The following RIMKLB variants were observed in gnomAD, a reference collection of about 807,000 sequenced individuals.
RIMKLB encodes beta-citrylglutamate synthase B.
Under a neutral mutation model 32.0 loss-of-function variants are expected in RIMKLB, and 7 were observed. The observed-to-expected ratio is 0.22, with a 90% CI of 0.12 to 0.41. RIMKLB has a LOEUF of 0.41. Ranked by LOEUF, RIMKLB falls within the 10% of genes least tolerant of loss-of-function variation. The probability of loss-of-function intolerance (pLI) is 1.00; values close to 1 mark genes in which losing one functional copy is unlikely to be tolerated. For synonymous variants in RIMKLB, 172 were observed against 185.1 expected (o/e 0.93, Z 0.57); for missense variants, 289 against 498.7 (o/e 0.58, Z 4.00).
chr12:8,697,501 T>C (rs926897156), upstream of RIMKLB, among the ~76,000 whole-genome samples: 3 of 151,670 alleles, frequency 2.0e-5, no homozygotes, highest in Admixed American at 2.0e-4. Context: ...CAGGCGCAGA[T>C]TGATGGGGCC....
At chr12:8,777,545 TAAAG>T, downstream of RIMKLB, 2 of 1,239,094 alleles carry the variant, frequency 1.6e-6, no homozygotes, top group Non-Finnish European at 2.1e-6. Flanking sequence ...ACATTGTTTT[TAAAG>T]AAATATTCTA....
chr12:8,736,461 G>A (rs1279350580), intron 2 of RIMKLB, among the ~76,000 whole-genome samples: 1 of 146,046 alleles, frequency 6.8e-6, no homozygotes, highest in African/African-American at 2.5e-5. Flanking sequence ...TAGTTTGTTT[G>A]TTTGTTTTCT....
the RIMKLB span, among the ~76,000 whole-genome samples, chr12:8,669,559 G>GT: frequency 4.6e-5 from 7 of 152,092 alleles, no homozygotes; most frequent in Admixed American, 4.6e-4. Context: ...TTTGTCATGT[G>GT]TTAGGCTATG....
At chr12:8,756,684 C>CTTTTTTTTTT (rs145312687) in intron 5 of RIMKLB, among the ~76,000 whole-genome samples, 7 of 90,966 alleles carry the variant, frequency 7.7e-5, no homozygotes, top group African/African-American at 1.8e-4. Context: ...TTACTTTCTA[C>CTTTTTTTTTT]TTTTTTTTTT....
At chr12:8,729,905 G>A (rs143016602) in intron 2 of RIMKLB, among the ~76,000 whole-genome samples, 437 of 152,228 alleles carry the variant, frequency 2.9e-3, no homozygotes, top group Non-Finnish European at 4.9e-3. Context: ...TCCCATTGTG[G>A]TTTTGATTTG....
chr12:8,734,133 AAAG>A (rs1946796484), intron 2 of RIMKLB, among the ~76,000 whole-genome samples: 1 of 152,218 alleles, frequency 6.6e-6, no homozygotes. Context: ...GTTTCGTGGA[AAAG>A]TTGTATTTTA....
At chr12:8,692,687 G>A (rs1942766072), upstream of RIMKLB, among the ~76,000 whole-genome samples, 1 of 152,186 alleles carries the variant, frequency 6.6e-6, no homozygotes, top group African/African-American at 2.4e-5. Context: ...TCTTAGCATA[G>A]AGAGAAAGCT....
intron 5 of RIMKLB, among the ~76,000 whole-genome samples, chr12:8,765,775 C>A (rs185380193): frequency 6.6e-6 from 1 of 151,906 alleles, no homozygotes; most frequent in East Asian, 1.9e-4. Flanking sequence ...GGGGGGACAC[C>A]GGGATAGGGA....
intron 2 of RIMKLB, among the ~76,000 whole-genome samples, chr12:8,741,357 G>A (rs1267348277): frequency 6.6e-6 from 1 of 150,968 alleles, no homozygotes; most frequent in African/African-American, 2.5e-5. Flanking sequence ...CAGCCTGGGC[G>A]ACAGAGCAAG....
rs922610364 is a variant in RIMKLB, at chr12:8,777,099, T to C, written c.*3315T>C. The C allele has an allele frequency of 1.0e-6, 1 of 985,288 alleles. No homozygotes were observed. The highest frequency in any genetic ancestry group is 1.1e-4 in the East Asian group (1 of 8,864). 61.0% of individuals were successfully genotyped at this position (985,288 alleles called of 1,614,324 possible). ...ACAGGTAACCACTGCTGCTACTGTT[T>C]TTATTTGTTTGTTTGTTCAATTTTA... On this transcript the variant is annotated 3_prime_UTR_variant, in exon 6 of 6. Coordinates refer to ENST00000535829, the MANE Select transcript of RIMKLB (RefSeq NM_001297776.2).
chr12:8,777,212 T>G (rs1470817438), downstream of RIMKLB: 4 of 934,256 alleles, frequency 4.3e-6, no homozygotes, highest in African/African-American at 8.9e-5. Flanking sequence ...GCTTGCTTGC[T>G]TTCTTTTTTT....
Position 8,775,328 on chromosome 12 carries a change from C to T in RIMKLB, c.*1544C>T, listed in dbSNP as rs1002916691. On this transcript the variant is annotated 3_prime_UTR_variant, in exon 6 of 6. Coordinates refer to ENST00000535829, the MANE Select transcript of RIMKLB (RefSeq NM_001297776.2). ...TCCACTCTTTATATTCCTTTACTTG[C>T]AGAATTTATAAAAGCCCCCAAACTG... 30 of 985,158 alleles carry T rather than the reference C, an allele frequency of 3.0e-5. No individual in the cohort carries two copies. In the Admixed American group the frequency reaches 1.0e-3, roughly 34 times the overall value. The allele number at this position is 985,158 out of a possible 1,614,324, so 61.0% of individuals were successfully genotyped here. A position where few individuals can be genotyped will look rare whatever the true frequency, so the allele number is the denominator to read the frequency against.
chr12:8,715,906 CAA>C (rs1463697551), intron 2 of RIMKLB, among the ~76,000 whole-genome samples: 1 of 152,194 alleles, frequency 6.6e-6, no homozygotes, highest in Non-Finnish European at 1.5e-5. Context: ...CTCTAAAACT[CAA>C]TATTTGTGAC....
intron 2 of RIMKLB, among the ~76,000 whole-genome samples, chr12:8,721,331 T>C (rs890763097): frequency 6.6e-6 from 1 of 152,236 alleles, no homozygotes; most frequent in Admixed American, 6.5e-5. Context: ...TGTGATGCTA[T>C]TTTCCAACAT....
At chr12:8,753,648 T>C (rs1461842106) in intron 4 of RIMKLB, among the ~76,000 whole-genome samples, 1 of 152,226 alleles carries the variant, frequency 6.6e-6, no homozygotes, top group Non-Finnish European at 1.5e-5. Context: ...CCTCAGCATA[T>C]ATCAAAATAA....
intron 5 of RIMKLB, among the ~76,000 whole-genome samples, chr12:8,758,635 G>A (rs1949270524): frequency 6.6e-6 from 1 of 152,076 alleles, no homozygotes; most frequent in Admixed American, 6.5e-5. Flanking sequence ...CTTTGGTCAT[G>A]TTCAGTTCTT....
chr12:8,685,750 T>C (rs1362839621), intron 1 of RIMKLB, among the ~76,000 whole-genome samples: 1 of 152,008 alleles, frequency 6.6e-6, no homozygotes, highest in Non-Finnish European at 1.5e-5. Context: ...TTCAAGTGAT[T>C]CTCTTGCCTC....
chr12:8,777,224 T>TC (rs1950784120), downstream of RIMKLB: 64 of 967,098 alleles, frequency 6.6e-5, no homozygotes, highest in Non-Finnish European at 7.7e-5. Flanking sequence ...TCTTTTTTTT[T>TC]TTTTTTTTTT....
At chr12:8,741,867 C>G (rs1385523351) in intron 2 of RIMKLB, among the ~76,000 whole-genome samples, 1 of 151,770 alleles carries the variant, frequency 6.6e-6, no homozygotes, top group African/African-American at 2.4e-5. Context: ...ATGTAACAAA[C>G]CTGCATGTGT....
Sources: allele counts gnomAD v4.1 joint callset (sites outside exome capture counted in the v4.1 genomes callset), GRCh38; gene constraint gnomAD v4.1.1; transcripts MANE v1.5; gene names NCBI Gene and HGNC (gene_info 2026-07-23, HGNC 2026-07-21).